Variants in SESTD1 observed in about 807,000 individuals in gnomAD.
The protein encoded by SESTD1 is SEC14 domain and spectrin repeat-containing protein 1.
SESTD1 carries 43 observed loss-of-function variants against 101.7 expected under a neutral mutation model. That is an observed-to-expected ratio of 0.42 (90% CI 0.33 to 0.55). The LOEUF (loss-of-function observed/expected upper bound fraction) is 0.55, where lower values mean the gene tolerates loss of function less well. Among genes scored for constraint, SESTD1 ranks in the 20% least tolerant of loss-of-function variants. The pLI is 0.07. For missense variants in SESTD1, 647 were observed against 815.1 expected (o/e 0.79, Z 2.51); for synonymous variants, 283 against 286.8 (o/e 0.99, Z 0.13).
chr2:179,181,636 T>C (rs938074577), intron 3 of SESTD1, among the ~76,000 whole-genome samples: 2 of 152,178 alleles, frequency 1.3e-5, no homozygotes, highest in Non-Finnish European at 2.9e-5. Context: ...ACTCACTAGG[T>C]GTGAGATCTT....
Position 179,112,797 on chromosome 2 carries a change from G to T in SESTD1, c.1888C>A (p.Gln630Lys). ...CCAACTGCTTCAATTTCATCAAATT[G>T]CTCCTCATCATTAATAGCTTCAGGC... ...EEPEAINDEEQFDEIEAVGKS... is the reference protein window; with the variant it reads ...EEPEAINDEEKFDEIEAVGKS... The change falls in exon 17 of 18, where the codon CAA becomes AAA. Residue 630 changes from glutamine to lysine, a missense_variant. Gln to Lys is a moderately conservative substitution (Grantham distance 53, BLOSUM62 1). Around this residue, in one of 3 missense-constraint regions of SESTD1, gnomAD observed 476 missense variants for 562.6 expected, o/e 0.85. Coordinates refer to ENST00000428443, the MANE Select transcript of SESTD1 (RefSeq NM_178123.5). 1 of 1,612,980 alleles carries T rather than the reference G, an allele frequency of 6.2e-7. No homozygotes were observed. The highest frequency in any genetic ancestry group is 8.5e-7 in the Non-Finnish European group (1 of 1,179,940).
chr2:179,161,075 C>A (rs1315978037), intron 5 of SESTD1, among the ~76,000 whole-genome samples: 3 of 134,226 alleles, frequency 2.2e-5, no homozygotes, highest in Non-Finnish European at 4.8e-5. Flanking sequence ...CCATACCTAG[C>A]TTTTTTTTTT....
intron 5 of SESTD1, among the ~76,000 whole-genome samples, chr2:179,158,320 G>C (rs1395494430): frequency 6.6e-6 from 1 of 152,108 alleles, no homozygotes; most frequent in Non-Finnish European, 1.5e-5. Flanking sequence ...CCAATGAAGA[G>C]CTCTCGTCAC....
At chr2:179,143,930 G>A (rs2045339521) in intron 8 of SESTD1, 127 bp from the exon 9 acceptor site, 1 of 933,684 alleles carries the variant, frequency 1.1e-6, no homozygotes, top group Non-Finnish European at 1.6e-6. Flanking sequence ...GGTTATAAAT[G>A]GAATTTAAAA....
intron 1 of SESTD1, among the ~76,000 whole-genome samples, chr2:179,221,367 C>T (rs138712447): frequency 1.3e-3 from 194 of 151,400 alleles, no homozygotes; most frequent in African/African-American, 4.6e-3. Context: ...AATCCTAGCA[C>T]TTTGGGAGGC....
chr2:179,110,316 G>A (rs2044480034), intron 17 of SESTD1, among the ~76,000 whole-genome samples: 3 of 152,236 alleles, frequency 2.0e-5, no homozygotes, highest in South Asian at 4.2e-4. Context: ...TGAAACACTG[G>A]AAATATGTGG....
intron 1 of SESTD1, among the ~76,000 whole-genome samples, chr2:179,218,021 C>T (rs947170279): frequency 6.6e-6 from 1 of 152,110 alleles, no homozygotes; most frequent in Non-Finnish European, 1.5e-5. Flanking sequence ...AGGAGAAATA[C>T]CTAATGTAAA....
chr2:179,208,611 T>A (rs1574037135), intron 1 of SESTD1, among the ~76,000 whole-genome samples: 2 of 135,148 alleles, frequency 1.5e-5, no homozygotes, highest in South Asian at 2.8e-4. Flanking sequence ...TAATTCTGTA[T>A]CCAGCAAAAC....
At chr2:179,188,548 A>G (rs893815114) in intron 2 of SESTD1, among the ~76,000 whole-genome samples, 1 of 152,098 alleles carries the variant, frequency 6.6e-6, no homozygotes, top group African/African-American at 2.4e-5. Flanking sequence ...CTGAGGCTGG[A>G]GGATCGCTTA....
Position 179,103,073 on chromosome 2 carries a change from AAGTT to A in SESTD1, c.*6822_*6825del, listed in dbSNP as rs1305634311. On this transcript the variant is annotated 3_prime_UTR_variant, in exon 18 of 18. Coordinates refer to ENST00000428443, the MANE Select transcript of SESTD1 (RefSeq NM_178123.5). Reference sequence around the variant, plus strand: ...TTTACCTACTGAAAACGGGTGGTGAAAGTTAGTAACATAAACAAACCAGTGCTGT... The same window carrying A: ...TTTACCTACTGAAAACGGGTGGTGAAAGTAACATAAACAAACCAGTGCTGT... 1.3e-5 allele frequency: 2 copies of A among 152,112 alleles called. No homozygotes were observed. The highest frequency in any genetic ancestry group is 6.6e-5 in the Admixed American group (1 of 15,262). 9.4% of individuals were successfully genotyped at this position (152,112 alleles called of 1,614,324 possible).
chr2:179,249,094 GAAAA>G (rs1198155036), intron 1 of SESTD1, among the ~76,000 whole-genome samples: 25 of 58,686 alleles, frequency 4.3e-4, no homozygotes, highest in Non-Finnish European at 2.6e-4. Flanking sequence ...CCGTCTTTAA[GAAAA>G]AAAAAAAAAA....
At chr2:179,131,884 A>G (rs1050161521) in intron 10 of SESTD1, among the ~76,000 whole-genome samples, 7 of 152,190 alleles carry the variant, frequency 4.6e-5, no homozygotes, top group Non-Finnish European at 8.8e-5. Flanking sequence ...ACTCTCCATC[A>G]GTTGTGTTTA....
Position 179,189,731 on chromosome 2 carries a change from T to TA in SESTD1, c.55+2055dup, listed in dbSNP as rs199901106. On this transcript the variant is annotated intron_variant, in intron 2 of 17. Coordinates refer to ENST00000428443, the MANE Select transcript of SESTD1 (RefSeq NM_178123.5). The stretch of plus-strand genomic sequence containing the variant: ...AAATTACATTAGTAAAATGTCAGGG[T>TA]AAAAAAATCAATATACAAAAATAAG... Among the ~76,000 whole-genome samples, 1,482 of 151,986 alleles carry TA rather than the reference T, an allele frequency of 9.8e-3. 12 individuals carry two copies. The highest frequency in any genetic ancestry group is 0.027 in the Middle Eastern group (8 of 294).
chr2:179,176,045 C>T (rs2046006580), intron 4 of SESTD1, among the ~76,000 whole-genome samples: 1 of 152,092 alleles, frequency 6.6e-6, no homozygotes, highest in South Asian at 2.1e-4. Context: ...GAAGTTTCTT[C>T]AAACTACACT....
intron 4 of SESTD1, among the ~76,000 whole-genome samples, chr2:179,173,548 A>G (rs1384661316): frequency 1.3e-5 from 2 of 152,184 alleles, no homozygotes; most frequent in Non-Finnish European, 2.9e-5. Context: ...TCTTAATTTT[A>G]CAGGAGAGTA....
At chr2:179,145,447 A>G (rs2045373993) in intron 8 of SESTD1, among the ~76,000 whole-genome samples, 1 of 152,228 alleles carries the variant, frequency 6.6e-6, no homozygotes, top group African/African-American at 2.4e-5. Flanking sequence ...ATGAGTTAAC[A>G]TATGTAAAGT....
intron 5 of SESTD1, among the ~76,000 whole-genome samples, chr2:179,171,225 T>C (rs2045924751): frequency 6.6e-6 from 1 of 152,194 alleles, no homozygotes; most frequent in Non-Finnish European, 1.5e-5. Context: ...AAATTATAGC[T>C]TAATTTTTTT....
At chr2:179,132,676 G>A (rs2045038624) in intron 9 of SESTD1, among the ~76,000 whole-genome samples, 1 of 152,128 alleles carries the variant, frequency 6.6e-6, no homozygotes, top group Non-Finnish European at 1.5e-5. Flanking sequence ...TATCTTTCAG[G>A]CTAAAAGAAA....
rs1170363735 is a variant in SESTD1, at chr2:179,208,313, G to A, written c.-25-16447C>T. 3.7e-5 allele frequency among the ~76,000 whole-genome samples: 5 copies of A among 135,294 alleles called. 2 individuals are homozygous for A. Among genetic ancestry groups the A allele is most frequent in the East Asian group, 2.0e-4 (1 of 5,024 alleles). The allele number at this position is 135,294 out of a possible 152,430, so 88.8% of individuals were successfully genotyped here. On this transcript the variant is annotated intron_variant, in intron 1 of 17. Coordinates refer to ENST00000428443, the MANE Select transcript of SESTD1 (RefSeq NM_178123.5). ...GGAAAACTTATTTGAGGGAATAATC[G>A]AGGAAAACTTCCCTGGTCTTGCTAG...
Sources: allele counts gnomAD v4.1 joint callset (sites outside exome capture counted in the v4.1 genomes callset), GRCh38; gene constraint gnomAD v4.1.1; regional missense constraint gnomAD v4.1.1; transcripts MANE v1.5; gene names NCBI Gene and HGNC (gene_info 2026-07-23, HGNC 2026-07-21).